Variants in ADAM23 observed in about 807,000 individuals in gnomAD.
ADAM23 encodes the protein ADAM metallopeptidase domain 23.
A neutral mutation model predicts 120.1 loss-of-function variants in ADAM23; 33 were observed. The ratio of observed to expected loss-of-function variants is 0.27; its 90% confidence interval spans 0.21 to 0.37. ADAM23 has a LOEUF of 0.37. Among genes scored for constraint, ADAM23 ranks in the 10% least tolerant of loss-of-function variants. ADAM23 has a pLI of 1.00. For synonymous variants in ADAM23, 367 were observed against 375.2 expected, an observed-to-expected ratio of 0.98 and a Z score of 0.25; for missense variants, 862 against 1,058.2, an observed-to-expected ratio of 0.81 and a Z score of 2.57.
chr2:206,560,056 C>T lies in ADAM23; in HGVS notation c.1107C>T (p.Leu369=), dbSNP rs1697730951. 4.3e-6 allele frequency: 7 copies of T among 1,614,174 alleles called. No homozygotes were observed. The highest frequency in any genetic ancestry group is 5.9e-6 in the Non-Finnish European group (7 of 1,180,016). ...TCACCACCAACCCTGTGCAGATGCT[C>T]CATGAGTTCTCAAAATACCGGCAGC... ...IDITTNPVQM[L]HEFSKYRQRI... The change falls in exon 11 of 26, where the codon CTC becomes CTT. Residue 369 remains leucine, a synonymous_variant. Coordinates refer to ENST00000264377, the MANE Select transcript of ADAM23 (RefSeq NM_003812.4).
At chr2:206,564,854 A>G (rs967010386) in intron 13 of ADAM23, among the ~76,000 whole-genome samples, 166 bp from the exon 14 acceptor site, 8 of 152,234 alleles carry the variant, frequency 5.3e-5, no homozygotes, top group Non-Finnish European at 8.8e-5. Flanking sequence ...ATAAGGAACT[A>G]TTGATTTAAA....
At chr2:206,542,017 TA>T in intron 4 of ADAM23, 34 bp from the exon 5 acceptor site, 1 of 1,607,316 alleles carries the variant, frequency 6.2e-7, no homozygotes, top group South Asian at 1.1e-5. Context: ...TCATAATGCA[TA>T]AAATACAACC....
At chr2:206,591,630 G>C (rs554479731) in intron 21 of ADAM23, among the ~76,000 whole-genome samples, 1 of 152,228 alleles carries the variant, frequency 6.6e-6, no homozygotes, top group East Asian at 1.9e-4. Flanking sequence ...ATGTAACCTA[G>C]TGCACATTTG....
chr2:206,609,838 T>C (rs934204071), intron 24 of ADAM23, 72 bp from the exon 25 acceptor site: 1 of 1,274,050 alleles, frequency 7.8e-7, no homozygotes, highest in African/African-American at 1.5e-5. Context: ...TGAAACTGCT[T>C]AACTGCCTTT....
Position 206,617,821 on chromosome 2 carries a change from T to G in ADAM23, c.*194T>G. ...TGGAAATAATGTCAAAGAACACCTT[T>G]CACCACCTGTCAGTAAACGGGGGAG... is the stretch of plus-strand genomic sequence containing the variant. On this transcript the variant is annotated 3_prime_UTR_variant, in exon 26 of 26. Coordinates refer to ENST00000264377, the MANE Select transcript of ADAM23 (RefSeq NM_003812.4). 1 of 1,191,436 alleles carries G rather than the reference T, an allele frequency of 8.4e-7. No individual in the cohort carries two copies. Among genetic ancestry groups the G allele is most frequent in the Non-Finnish European group, 1.1e-6 (1 of 906,438 alleles). 73.8% of individuals were successfully genotyped at this position (1,191,436 alleles called of 1,614,324 possible).
At chr2:206,499,382 CTA>C (rs1398011730) in intron 3 of ADAM23, among the ~76,000 whole-genome samples, 2 of 150,614 alleles carry the variant, frequency 1.3e-5, no homozygotes, top group African/African-American at 4.9e-5. Context: ...TCTCAGCAAA[CTA>C]TCGCAAGGAC....
intron 2 of ADAM23, among the ~76,000 whole-genome samples, chr2:206,478,623 T>C (rs191268336): frequency 4.5e-4 from 69 of 152,338 alleles, no homozygotes; most frequent in African/African-American, 1.3e-3. Context: ...CCACATGTTC[T>C]TGTTTGCGAT....
chr2:206,586,404 A>C (rs1698322096), intron 18 of ADAM23, among the ~76,000 whole-genome samples: 1 of 151,942 alleles, frequency 6.6e-6, no homozygotes, highest in African/African-American at 2.4e-5. Flanking sequence ...GTCAGATTGG[A>C]ATTATATTTT....
At chr2:206,471,975 G>A (rs1278019358) in intron 2 of ADAM23, among the ~76,000 whole-genome samples, 1 of 152,186 alleles carries the variant, frequency 6.6e-6, no homozygotes, top group African/African-American at 2.4e-5. Context: ...TTGTAATTCA[G>A]TCTTTCTCCT....
chr2:206,528,482 C>T (rs1696985066), intron 3 of ADAM23, among the ~76,000 whole-genome samples: 1 of 152,200 alleles, frequency 6.6e-6, no homozygotes, highest in Admixed American at 6.5e-5. Context: ...AAAGTTTAAG[C>T]ATTGGCTTCC....
chr2:206,609,745 C>T (rs941084206), intron 24 of ADAM23, 165 bp from the exon 25 acceptor site: 5 of 579,136 alleles, frequency 8.6e-6, no homozygotes, highest in African/African-American at 4.0e-5. Flanking sequence ...CAACGCTCAC[C>T]GTAGCATCTA....
At chr2:206,467,317 C>G (rs1354476021) in intron 2 of ADAM23, among the ~76,000 whole-genome samples, 1 of 152,150 alleles carries the variant, frequency 6.6e-6, no homozygotes, top group East Asian at 1.9e-4. Flanking sequence ...AAATCAAAAC[C>G]AAGATAGTTA....
intron 2 of ADAM23, among the ~76,000 whole-genome samples, chr2:206,473,623 C>T (rs555472017): frequency 1.1e-4 from 16 of 150,250 alleles, no homozygotes; most frequent in Non-Finnish European, 2.1e-4. Flanking sequence ...ACAACAATAA[C>T]GATTCTTATT....
In ADAM23 at chr2:206,531,066, A is replaced by G. The variant is rs796596048; in HGVS notation, c.573+118A>G. The stretch of plus-strand genomic sequence containing the variant: ...GTAAAATCACCTGTGCTCTTTTACA[A>G]TGATACTATTTTTAGTGAGGAGAAA... On this transcript the variant is annotated intron_variant, in intron 4 of 25. Transcript: ENST00000264377. 1.1e-4 allele frequency: 80 copies of G among 710,878 alleles called. No individual in the cohort carries two copies. In the African/African-American group the frequency reaches 1.4e-3, roughly 13 times the overall value. The allele number at this position is 710,878 out of a possible 1,614,324, so 44.0% of individuals were successfully genotyped here. A position where few individuals can be genotyped will look rare whatever the true frequency, so the allele number is the denominator to read the frequency against.
intron 18 of ADAM23, among the ~76,000 whole-genome samples, chr2:206,585,894 C>T (rs1037988249): frequency 2.0e-5 from 3 of 152,206 alleles, no homozygotes; most frequent in African/African-American, 7.2e-5. Context: ...CCTTAAAGCC[C>T]TTATCCTAAA....
chr2:206,545,024 C>T (rs967663669), intron 6 of ADAM23, among the ~76,000 whole-genome samples: 1 of 151,826 alleles, frequency 6.6e-6, no homozygotes, highest in African/African-American at 2.4e-5. Flanking sequence ...GAGGAGTGAA[C>T]AAGGGGAAGA....
At chr2:206,530,982 T>A (rs1697049374) in intron 4 of ADAM23, 34 bp downstream of exon 4, 2 of 1,583,772 alleles carry the variant, frequency 1.3e-6, no homozygotes, top group African/African-American at 2.7e-5. Flanking sequence ...TACTCTAGTA[T>A]AAGTGTGCTT....
rs182520723 is a variant in ADAM23, at chr2:206,589,635, A to G, written c.1958+121A>G. 24 of 705,832 alleles carry G rather than the reference A, an allele frequency of 3.4e-5. No individual in the cohort carries two copies. In the Admixed American group the frequency reaches 7.1e-4, roughly 21 times the overall value. The allele number at this position is 705,832 out of a possible 1,614,324, so 43.7% of individuals were successfully genotyped here. On this transcript the variant is annotated intron_variant, in intron 21 of 25. Transcript: ENST00000264377. Reference sequence around the variant, plus strand: ...CTAAGTGTTCACCATTCCAAAATTTAAAGTATTTATTTTTAATAGGTATTA... The same window carrying G: ...CTAAGTGTTCACCATTCCAAAATTTGAAGTATTTATTTTTAATAGGTATTA...
In ADAM23 at chr2:206,546,632, GT is replaced by G. The variant is rs541016075; in HGVS notation, c.721-793del. ...TCATGTTTCAGAATATGTTCTTCCA[GT>G]TTTCAATGATATAGTCCCATATATT... On this transcript the variant is annotated intron_variant, in intron 6 of 25. Transcript: ENST00000264377. Among the ~76,000 whole-genome samples, 4 of 152,062 alleles carry G rather than the reference GT, an allele frequency of 2.6e-5. No homozygotes were observed. The South Asian group carries it at 8.3e-4, about 32-fold the overall frequency.
Sources: gnomAD v4.1 joint callset for allele counts (sites outside exome capture counted in the v4.1 genomes callset) on GRCh38, gnomAD v4.1.1 for gene constraint, MANE v1.5 for transcripts, NCBI Gene and HGNC (gene_info 2026-07-23, HGNC 2026-07-21) for gene names.